Variants in PCCA observed in about 807,000 individuals in gnomAD.
The protein encoded by PCCA is propionyl-CoA carboxylase alpha chain, mitochondrial.
In PCCA, 74 loss-of-function variants were observed where a neutral mutation model predicts 101.3. The ratio of observed to expected loss-of-function variants is 0.73; its 90% confidence interval spans 0.61 to 0.89. PCCA has a LOEUF of 0.89. Ranked by LOEUF, PCCA falls within the 40% of genes least tolerant of loss-of-function variation. The pLI, the probability that PCCA is intolerant of heterozygous loss-of-function variation, is 0.00. For synonymous variants in PCCA, 294 were observed against 313.6 expected (o/e 0.94, Z 0.66); for missense variants, 891 against 907.0 (o/e 0.98, Z 0.23).
intron 6 of PCCA, among the ~76,000 whole-genome samples, chr13:100,163,162 G>A (rs1419827712): frequency 1.3e-5 from 2 of 152,180 alleles, no homozygotes; most frequent in Admixed American, 6.5e-5. Context: ...GTGGGATTTT[G>A]GGGAGTGGTT....
At chr13:100,145,971 C>G (rs765929378) in intron 4 of PCCA, among the ~76,000 whole-genome samples, 40 of 148,508 alleles carry the variant, frequency 2.7e-4, no homozygotes, top group Admixed American at 6.0e-4. Context: ...GAGTCTCACT[C>G]TATCGCCCAG....
chr13:100,293,602 T>C (rs921471034), intron 12 of PCCA, among the ~76,000 whole-genome samples: 1 of 152,208 alleles, frequency 6.6e-6, no homozygotes. Flanking sequence ...TTCTAACTAA[T>C]TGTAAAATTT....
intron 1 of PCCA, among the ~76,000 whole-genome samples, chr13:100,097,837 A>AC (rs939983393): frequency 1.1e-4 from 17 of 151,738 alleles, no homozygotes; most frequent in Admixed American, 2.0e-4. Flanking sequence ...AATAGTGAGA[A>AC]CCCCCCAGCC....
At position 100,419,237 on chromosome 13, in the gene PCCA, C is replaced by G. The variant is rs1210228418; in HGVS notation, c.1747-6396C>G. Among the ~76,000 whole-genome samples, 4 of 151,720 alleles carry G rather than the reference C, an allele frequency of 2.6e-5. No individual in the cohort carries two copies. The East Asian group carries it at 7.8e-4, about 29-fold the overall frequency. ...CTGTAATCCCAGCACTTTGGGAGGC[C>G]GAGGTGGGTGGATCACTTGAGGTCA... On this transcript the variant is annotated intron_variant, in intron 19 of 23. Transcript: ENST00000376285.
chr13:100,494,062 G>T (rs542808937), intron 21 of PCCA, among the ~76,000 whole-genome samples: 1 of 152,092 alleles, frequency 6.6e-6, no homozygotes, highest in South Asian at 2.1e-4. Context: ...GGTGGTGCAC[G>T]CCTGTAATCC....
intron 18 of PCCA, 136 bp downstream of exon 18, chr13:100,340,395 G>A: frequency 1.5e-6 from 1 of 687,462 alleles, no homozygotes; most frequent in Admixed American, 2.1e-5. Context: ...GTATAATAAA[G>A]TCACACTGTA....
rs1167499655 is a variant in PCCA, at chr13:100,209,256, T to G, written c.469-76T>G. 6 of 1,293,408 alleles carry G rather than the reference T, an allele frequency of 4.6e-6. No individual in the cohort carries two copies. The East Asian group carries it at 1.4e-4, about 30-fold the overall frequency. The allele number at this position is 1,293,408 out of a possible 1,614,324, so 80.1% of individuals were successfully genotyped here. A position where few individuals can be genotyped will look rare whatever the true frequency, so the allele number is the denominator to read the frequency against. On this transcript the variant is annotated intron_variant, in intron 6 of 23. Transcript: ENST00000376285. ...ATTAGAAAATACACATATGGGCTTTTCTTTTATAAAATTGTGACTCCACAT... is the reference window on the plus strand; with the variant it reads ...ATTAGAAAATACACATATGGGCTTTGCTTTTATAAAATTGTGACTCCACAT...
At chr13:100,110,361 A>C (rs1331216689) in intron 2 of PCCA, among the ~76,000 whole-genome samples, 1 of 152,216 alleles carries the variant, frequency 6.6e-6, no homozygotes, top group Non-Finnish European at 1.5e-5. Context: ...GTACAATTTT[A>C]GAGTAGGAAG....
intron 19 of PCCA, among the ~76,000 whole-genome samples, chr13:100,409,758 T>C (rs1352298546): frequency 6.6e-6 from 1 of 152,168 alleles, no homozygotes; most frequent in Admixed American, 6.5e-5. Context: ...GCCATTTTTG[T>C]CACCCCCACT....
intron 16 of PCCA, among the ~76,000 whole-genome samples, chr13:100,321,210 T>C (rs1483473156): frequency 6.6e-6 from 1 of 152,220 alleles, no homozygotes; most frequent in Non-Finnish European, 1.5e-5. Context: ...ATACCTCTTT[T>C]CTTTTTCAAA....
intron 19 of PCCA, among the ~76,000 whole-genome samples, chr13:100,384,823 G>T (rs1436311283): frequency 6.6e-6 from 1 of 151,952 alleles, no homozygotes; most frequent in East Asian, 1.9e-4. Flanking sequence ...GACAGAAAAA[G>T]AACCTTTTTT....
At chr13:100,491,401 C>T (rs1442117102) in intron 21 of PCCA, 1 of 185,514 alleles carries the variant, frequency 5.4e-6, no homozygotes, top group African/African-American at 2.4e-5. Flanking sequence ...TTCATTTCTG[C>T]CTTTTAAAAA....
chr13:100,236,019 G>T, intron 8 of PCCA, 141 bp downstream of exon 8: 1 of 657,288 alleles, frequency 1.5e-6, no homozygotes, highest in Non-Finnish European at 2.8e-6. Flanking sequence ...CTGGAAGAAT[G>T]TATCAGTTGA....
At chr13:100,525,528 G>A (rs899701264) in intron 22 of PCCA, among the ~76,000 whole-genome samples, 1 of 152,224 alleles carries the variant, frequency 6.6e-6, no homozygotes, top group Non-Finnish European at 1.5e-5. Flanking sequence ...AGGTCAGGCT[G>A]GCCTTTGCCC....
intron 8 of PCCA, among the ~76,000 whole-genome samples, chr13:100,242,854 T>C (rs1037924049): frequency 8.5e-5 from 13 of 152,172 alleles, no homozygotes; most frequent in Admixed American, 4.6e-4. Context: ...AAATGATTGC[T>C]TTATATTAAT....
intron 21 of PCCA, among the ~76,000 whole-genome samples, chr13:100,498,399 A>G (rs920979325): frequency 6.6e-6 from 1 of 152,122 alleles, no homozygotes; most frequent in African/African-American, 2.4e-5. Flanking sequence ...GAAAGCCACA[A>G]ATCAGTTGGA....
Position 100,529,242 on chromosome 13 carries a change from T to G in PCCA, c.2119-856T>G, listed in dbSNP as rs757907515. The stretch of plus-strand genomic sequence containing the variant: ...AAGTTCACAAAGGAAACAGATCCTC[T>G]ACTCTGGTCATCGCTGCATCACTAA... On this transcript the variant is annotated intron_variant, in intron 23 of 23. Transcript: ENST00000376285. Among the ~76,000 whole-genome samples, 12 of 152,310 alleles carry G rather than the reference T, an allele frequency of 7.9e-5. No homozygotes were observed. In the South Asian group the frequency reaches 1.5e-3, roughly 18 times the overall value.
intron 21 of PCCA, among the ~76,000 whole-genome samples, chr13:100,487,948 T>G (rs1335681909): frequency 6.6e-6 from 1 of 152,058 alleles, no homozygotes; most frequent in Admixed American, 6.6e-5. Flanking sequence ...TGGGCTGGTG[T>G]TGAACTCCTA....
At chr13:100,361,817 G>A (rs975808217) in intron 18 of PCCA, among the ~76,000 whole-genome samples, 3 of 152,102 alleles carry the variant, frequency 2.0e-5, no homozygotes, top group African/African-American at 7.2e-5. Context: ...GTAATCTTTT[G>A]GAAAACAATT....
Sources: allele counts gnomAD v4.1 joint callset (sites outside exome capture counted in the v4.1 genomes callset), GRCh38; gene constraint gnomAD v4.1.1; transcripts MANE v1.5; gene names NCBI Gene and HGNC (gene_info 2026-07-23, HGNC 2026-07-21).